Variants in MAP3K9 observed in about 807,000 individuals in gnomAD.
MAP3K9 encodes the protein mitogen-activated protein kinase kinase kinase 9.
A neutral mutation model predicts 95.8 loss-of-function variants in MAP3K9; 46 were observed. The ratio of observed to expected loss-of-function variants is 0.48; its 90% confidence interval spans 0.38 to 0.61. MAP3K9 has a LOEUF of 0.61. Ranked by LOEUF, MAP3K9 falls within the 20% of genes least tolerant of loss-of-function variation. MAP3K9 has a pLI of 0.00. For missense variants in MAP3K9, 1,296 were observed against 1,474.3 expected (o/e 0.88, Z 1.98); for synonymous variants, 533 against 593.8 (o/e 0.90, Z 1.49).
chr14:70,754,194 T>C (rs1330076550), intron 3 of MAP3K9, among the ~76,000 whole-genome samples: 2 of 152,216 alleles, frequency 1.3e-5, no homozygotes, highest in African/African-American at 4.8e-5. Flanking sequence ...AAAATGATGA[T>C]GTATTTATTA....
At chr14:70,798,478 T>TTTTTTTG (rs1566768072) in intron 2 of MAP3K9, among the ~76,000 whole-genome samples, 1 of 130,394 alleles carries the variant, frequency 7.7e-6, no homozygotes, top group Non-Finnish European at 1.7e-5. Context: ...AAAGTTTTTT[T>TTTTTTTG]TTTTTTTTTT....
chr14:70,740,235 C>T (rs964205486), intron 6 of MAP3K9, 71 bp from the exon 7 acceptor site: 46 of 1,494,774 alleles, frequency 3.1e-5, no homozygotes, highest in Non-Finnish European at 4.0e-5. Flanking sequence ...AGAAATATGA[C>T]ATTCCTCAGC....
At chr14:70,733,388 G>C (rs1356598953) in intron 10 of MAP3K9, 46 bp from the exon 11 acceptor site, 3 of 860,532 alleles carry the variant, frequency 3.5e-6, no homozygotes, top group Non-Finnish European at 5.4e-6. Context: ...ATGGAAATGA[G>C]GTGGCAGGAA....
chr14:70,746,718 A>C (rs977676687), intron 5 of MAP3K9, among the ~76,000 whole-genome samples: 1 of 152,244 alleles, frequency 6.6e-6, no homozygotes, highest in Non-Finnish European at 1.5e-5. Context: ...AAAGTATAAG[A>C]AAGCATGGCA....
At chr14:70,746,564 CT>C (rs543160055) in intron 5 of MAP3K9, among the ~76,000 whole-genome samples, 1 of 152,206 alleles carries the variant, frequency 6.6e-6, no homozygotes, top group Non-Finnish European at 1.5e-5. Flanking sequence ...CTGGAACAAA[CT>C]GCCTGTTCAG....
intron 2 of MAP3K9, among the ~76,000 whole-genome samples, chr14:70,786,467 G>A (rs1439351117): frequency 4.0e-5 from 6 of 151,836 alleles, no homozygotes; most frequent in Non-Finnish European, 8.8e-5. Flanking sequence ...GAAGAATACT[G>A]AACACTGTTA....
In MAP3K9 at chr14:70,809,353, A is replaced by T; in HGVS notation, c.-182T>A. 1 of 727,932 alleles carries T rather than the reference A, an allele frequency of 1.4e-6. No homozygotes were observed. The highest frequency in any genetic ancestry group is 1.8e-5 in the African/African-American group (1 of 54,218). The allele number at this position is 727,932 out of a possible 1,614,324, so 45.1% of individuals were successfully genotyped here. On this transcript the variant is annotated 5_prime_UTR_variant, in exon 1 of 12. Transcript: ENST00000554752. ...GGCGCTGTTACCGCGGTACGAGAAG[A>T]GCGCCGAGCGCGAGCTCTTCGCGCA...
At position 70,742,609 on chromosome 14, in the gene MAP3K9, C is replaced by A; in HGVS notation, c.1327-18G>T. ...CGAAGTTCCTGCAGGATGGGCAGAA[C>A]CATCAGAGAAAAGACTGGGGTGCTC... On this transcript the variant is annotated intron_variant, in intron 5 of 11. Transcript: ENST00000554752. The A allele has an allele frequency of 6.2e-7, 1 of 1,611,672 alleles. No individual in the cohort carries two copies.
rs1165857994 is a variant in MAP3K9 at position 70,808,982 on chromosome 14, C to A, written c.190G>T (p.Glu64Ter). The change falls in exon 1 of 12, where the codon GAG (glutamate) becomes TAG (stop). Residue 64 changes from glutamate (E) to a stop codon, truncating the protein, a stop_gained. Coordinates refer to ENST00000554752, the MANE Select transcript of MAP3K9 (RefSeq NM_001284230.2). LOFTEE classifies it high-confidence loss of function. ...GTCAGCTCGTCCTCGCCCGCCGCCT[C>A]GTACTCGAACACGGCCGTCCAGTAG... ...LPYWTAVFEYEAAGEDELTLR... is the reference protein window; with the variant it reads ...LPYWTAVFEY 6.4e-7 allele frequency: 1 copy of A among 1,563,986 alleles called. No individual in the cohort carries two copies. Among genetic ancestry groups the A allele is most frequent in the East Asian group, 2.4e-5 (1 of 42,108 alleles).
chr14:70,734,269 C>T, intron 10 of MAP3K9, 117 bp downstream of exon 10: 1 of 740,320 alleles, frequency 1.4e-6, no homozygotes, highest in Non-Finnish European at 2.4e-6. Context: ...AAAAACATTC[C>T]CAATGTTTCC....
chr14:70,798,669 G>A (rs1016546813), intron 2 of MAP3K9, among the ~76,000 whole-genome samples: 5 of 151,078 alleles, frequency 3.3e-5, no homozygotes, highest in Admixed American at 6.6e-5. Context: ...TAGTAGAGAC[G>A]GGGTTTCACC....
At position 70,729,021 on chromosome 14, in the gene MAP3K9, A is replaced by G. The variant is rs1244386583; in HGVS notation, c.*1359T>C. On this transcript the variant is annotated 3_prime_UTR_variant, in exon 12 of 12. Transcript: ENST00000554752. ...AGCTTTAGAGGAAGCTCAACATTCA[A>G]GTTAAGGAAACAACTTCCAGGAAGG... 1 of 152,326 alleles carries G rather than the reference A, an allele frequency of 6.6e-6. No individual in the cohort carries two copies. The highest frequency in any genetic ancestry group is 1.5e-5 in the Non-Finnish European group (1 of 68,108). 9.4% of individuals were successfully genotyped at this position (152,326 alleles called of 1,614,324 possible).
chr14:70,774,536 G>A (rs771073238), intron 2 of MAP3K9, among the ~76,000 whole-genome samples: 8 of 151,780 alleles, frequency 5.3e-5, no homozygotes, highest in East Asian at 1.9e-4. Context: ...GGTGGTGGGC[G>A]CCTGTAATCC....
chr14:70,730,773 G>A lies in MAP3K9; in HGVS notation c.2922C>T (p.Arg974=). The change falls in exon 12 of 12, where the codon CGC becomes CGT. Residue 974 remains arginine (R), a synonymous_variant. Transcript: ENST00000554752. The part of the protein sequence containing the change: ...PNVVFPPTPR[R]WNTQQDSTLE... ...AGGTAGAGTCCTGCTGAGTGTTCCA[G>A]CGCCTTGGGGTTGGGGGGAAGACCA... 1 of 1,613,758 alleles carries A rather than the reference G, an allele frequency of 6.2e-7. No individual in the cohort carries two copies.
intron 2 of MAP3K9, among the ~76,000 whole-genome samples, chr14:70,771,970 G>A (rs1483905662): frequency 6.6e-6 from 1 of 152,226 alleles, no homozygotes; most frequent in Non-Finnish European, 1.5e-5. Context: ...GCCAGAGTGC[G>A]GCCGCTGTGC....
intron 2 of MAP3K9, chr14:70,783,597 C>T (rs898610706): frequency 3.8e-5 from 6 of 157,392 alleles, no homozygotes; most frequent in African/African-American, 1.4e-4. Context: ...GGTGTTATTC[C>T]ACCAGCAATC....
rs1459725624 is a variant in MAP3K9 at position 70,809,062 on chromosome 14, T to G, written c.110A>C (p.Glu37Ala). 2.2e-6 allele frequency: 3 copies of G among 1,337,254 alleles called. No individual in the cohort carries two copies. The highest frequency in any genetic ancestry group is 2.0e-6 in the Non-Finnish European group (2 of 1,025,020). The allele number at this position is 1,337,254 out of a possible 1,614,324, so 82.8% of individuals were successfully genotyped here. A position where few individuals can be genotyped will look rare whatever the true frequency, so the allele number is the denominator to read the frequency against. Residue 37 changes from glutamate (E) to alanine (A), a missense_variant, in exon 1 of 12, where the codon GAG (glutamate) becomes GCG (alanine). By Grantham distance (107) the Glu-to-Ala change is moderately radical. Transcript: ENST00000554752. ...AGAEEEEEEE[E>A]EAAAAVGPGE... ...GGGGCCCACCGCCGCCGCCGCCTCC[T>G]CCTCCTCCTCCTCCTCCTCCTCGGC...
At chr14:70,748,119 A>AAAAG (rs2054174706) in intron 5 of MAP3K9, among the ~76,000 whole-genome samples, 3 of 150,884 alleles carry the variant, frequency 2.0e-5, no homozygotes, top group Non-Finnish European at 4.4e-5. Context: ...AAAAAAAAAA[A>AAAAG]ATGGTAAAAG....
chr14:70,799,637 C>A (rs2054906964), intron 2 of MAP3K9, among the ~76,000 whole-genome samples: 1 of 152,194 alleles, frequency 6.6e-6, no homozygotes. Flanking sequence ...CCGCGCCTGG[C>A]CTTAAAATGT....
Sources: allele counts gnomAD v4.1 joint callset (sites outside exome capture counted in the v4.1 genomes callset), GRCh38; gene constraint gnomAD v4.1.1; transcripts MANE v1.5; gene names NCBI Gene and HGNC (gene_info 2026-07-23, HGNC 2026-07-21).